The following TBCE variants were observed in gnomAD, a reference collection of about 807,000 sequenced individuals.
TBCE encodes tubulin-specific chaperone E.
In TBCE, 53 loss-of-function variants were observed where a neutral mutation model predicts 77.0. The ratio of observed to expected loss-of-function variants is 0.69; its 90% CI spans 0.55 to 0.87. TBCE has a LOEUF of 0.87. Ranked by LOEUF, TBCE falls within the 40% of genes least tolerant of loss-of-function variation. TBCE has a pLI of 0.00. For synonymous variants in TBCE, 235 were observed against 241.3 expected (o/e 0.97, Z 0.24); for missense variants, 624 against 622.4 (o/e 1.00, Z -0.03).
chr1:235,439,424 G>A lies in TBCE; in HGVS notation c.1270+502G>A, dbSNP rs185239595. Among the ~76,000 whole-genome samples the A allele has an allele frequency of 4.2e-3, 622 of 148,810 alleles. 5 individuals carry two copies. Among genetic ancestry groups the A allele is most frequent in the African/African-American group, 0.014 (582 of 40,510 alleles). On this transcript the variant is annotated intron_variant, in intron 13 of 16. Coordinates refer to ENST00000642610, the MANE Select transcript of TBCE (RefSeq NM_003193.5). ...GGCAGGAGAATGGTGTGAACCCGGG[G>A]GGCGGAGCTTGCAGTGAGCCGAGAT...
At chr1:235,379,560 T>C (rs1466628868) in intron 1 of TBCE, among the ~76,000 whole-genome samples, 1 of 151,398 alleles carries the variant, frequency 6.6e-6, no homozygotes, top group Non-Finnish European at 1.5e-5. Context: ...AAAAACACAT[T>C]TCTAGCGCAA....
intron 2 of TBCE, among the ~76,000 whole-genome samples, chr1:235,381,256 G>C (rs1469468796): frequency 6.6e-6 from 1 of 152,078 alleles, no homozygotes; most frequent in Non-Finnish European, 1.5e-5. Context: ...GAATAAGCAG[G>C]GTTAGCCTAA....
chr1:235,393,486 C>G (rs189699113), intron 2 of TBCE, among the ~76,000 whole-genome samples: 3 of 151,928 alleles, frequency 2.0e-5, no homozygotes, highest in Non-Finnish European at 4.4e-5. Context: ...TGCGGTGAGC[C>G]GAGATGGCGC....
At chr1:235,448,243 C>T in intron 15 of TBCE, 106 bp from the exon 16 acceptor site, 1 of 645,772 alleles carries the variant, frequency 1.5e-6, no homozygotes, top group South Asian at 1.7e-5. Context: ...AAAAAAAAGA[C>T]AGATACAGCT....
rs187202258 is a variant in TBCE, at chr1:235,385,027, C to T, written c.100+4878C>T. 3.4e-3 allele frequency among the ~76,000 whole-genome samples: 516 copies of T among 152,150 alleles called. 1 individual carries two copies. The highest frequency in any genetic ancestry group is 0.011 in the African/African-American group (454 of 41,512). On this transcript the variant is annotated intron_variant, in intron 2 of 16. Coordinates refer to ENST00000642610, the MANE Select transcript of TBCE (RefSeq NM_003193.5). ...TTCTGGTATGTTGTGTCTTTGTTCT[C>T]GTTGGTTTCAAAGAACATCTTTATT...
intron 2 of TBCE, among the ~76,000 whole-genome samples, chr1:235,383,629 G>T (rs1677819418): frequency 6.6e-6 from 1 of 152,098 alleles, no homozygotes; most frequent in Non-Finnish European, 1.5e-5. Flanking sequence ...TCTGTTATTG[G>T]TGTATAAGAA....
chr1:235,428,302 C>G (rs545990570), intron 6 of TBCE, among the ~76,000 whole-genome samples: 5 of 151,936 alleles, frequency 3.3e-5, no homozygotes, highest in Non-Finnish European at 7.4e-5. Context: ...CCAGCCTGGG[C>G]GACAGAGCGA....
intron 14 of TBCE, among the ~76,000 whole-genome samples, chr1:235,442,329 C>G (rs1681948218): frequency 6.6e-6 from 1 of 152,170 alleles, no homozygotes; most frequent in Admixed American, 6.5e-5. Flanking sequence ...CGCCACCACA[C>G]CCAGTTAATT....
At chr1:235,390,058 A>G (rs187541907) in intron 2 of TBCE, among the ~76,000 whole-genome samples, 98 of 151,990 alleles carry the variant, frequency 6.4e-4, no homozygotes, top group African/African-American at 2.1e-3. Flanking sequence ...CACGGGAGGA[A>G]GAGGTTGCAG....
intron 5 of TBCE, among the ~76,000 whole-genome samples, chr1:235,425,028 C>T (rs1419902421): frequency 6.6e-6 from 1 of 152,084 alleles, no homozygotes; most frequent in African/African-American, 2.4e-5. Flanking sequence ...TGGGTGTACC[C>T]CAAGGCTCAG....
intron 3 of TBCE, among the ~76,000 whole-genome samples, chr1:235,407,525 G>T (rs1341679988): frequency 6.6e-6 from 1 of 152,130 alleles, no homozygotes; most frequent in Admixed American, 6.6e-5. Context: ...TTAGAGTCAC[G>T]GCAGATTGTT....
chr1:235,376,662 G>A (rs1162492282), intron 1 of TBCE, among the ~76,000 whole-genome samples: 1 of 152,016 alleles, frequency 6.6e-6, no homozygotes, highest in Non-Finnish European at 1.5e-5. Flanking sequence ...GGTCTGACCC[G>A]TATGTTGATC....
At chr1:235,435,651 C>A in intron 8 of TBCE, 94 bp from the exon 9 acceptor site, 1 of 1,199,010 alleles carries the variant, frequency 8.3e-7, no homozygotes, top group Non-Finnish European at 1.2e-6. Flanking sequence ...TATCCCCAGC[C>A]CTCCATCGCA....
chr1:235,383,801 C>T (rs1365927796), intron 2 of TBCE, among the ~76,000 whole-genome samples: 2 of 152,216 alleles, frequency 1.3e-5, no homozygotes, highest in East Asian at 3.9e-4. Flanking sequence ...AATTGAATAC[C>T]CTTTGTTTCC....
intron 14 of TBCE, among the ~76,000 whole-genome samples, chr1:235,442,324 C>T (rs1681947591): frequency 6.6e-6 from 1 of 152,178 alleles, no homozygotes; most frequent in African/African-American, 2.4e-5. Flanking sequence ...GCATGCGCCA[C>T]CACACCCAGT....
chr1:235,376,723 C>G (rs912211493), intron 1 of TBCE, among the ~76,000 whole-genome samples: 1 of 152,136 alleles, frequency 6.6e-6, no homozygotes, highest in African/African-American at 2.4e-5. Context: ...CACCTGTAAT[C>G]CCAGCACTTG....
At chr1:235,396,464 GTC>G (rs1171222545) in intron 2 of TBCE, among the ~76,000 whole-genome samples, 1 of 152,184 alleles carries the variant, frequency 6.6e-6, no homozygotes, top group Non-Finnish European at 1.5e-5. Flanking sequence ...GAGTGCAGAT[GTC>G]TCTTCTATAT....
chr1:235,437,240 G>A, intron 11 of TBCE, 82 bp from the exon 12 acceptor site: 1 of 1,568,788 alleles, frequency 6.4e-7, no homozygotes, highest in Non-Finnish European at 8.8e-7. Flanking sequence ...CTAGGGACAT[G>A]CTTTCCTGTT....
intron 2 of TBCE, among the ~76,000 whole-genome samples, chr1:235,394,910 G>C (rs193175020): frequency 4.1e-4 from 63 of 151,928 alleles, no homozygotes; most frequent in Middle Eastern, 3.4e-3. Context: ...TTCCTATGGC[G>C]CCCAGACTGG....
Sources: allele counts gnomAD v4.1 joint callset (sites outside exome capture counted in the v4.1 genomes callset), GRCh38; gene constraint gnomAD v4.1.1; transcripts MANE v1.5; gene names NCBI Gene and HGNC (gene_info 2026-07-23, HGNC 2026-07-21).